CDH18: variants seen among roughly 807,000 people sequenced by gnomAD.
CDH18 encodes the protein cadherin 18.
Under a neutral mutation model 67.9 loss-of-function variants are expected in CDH18, and 31 were observed. The observed-to-expected ratio is 0.46, with a 90% confidence interval of 0.34 to 0.62. CDH18 has a LOEUF of 0.62. Ranked by LOEUF, CDH18 falls within the 20% of genes least tolerant of loss-of-function variation. CDH18 has a pLI of 0.01. For missense variants in CDH18, 890 were observed against 975.5 expected (o/e 0.91, Z 1.17); for synonymous variants, 362 against 347.2 (o/e 1.04, Z -0.48).
At chr5:19,802,134 T>C (rs984577922) in intron 3 of CDH18, among the ~76,000 whole-genome samples, 10 of 152,152 alleles carry the variant, frequency 6.6e-5, no homozygotes, top group African/African-American at 2.2e-4. Context: ...TATGACTCCC[T>C]TATATCATTT....
At position 19,811,104 on chromosome 5, in the gene CDH18, AAG is replaced by A. The variant is rs1447084307; in HGVS notation, c.228+27653_228+27654del. Among the ~76,000 whole-genome samples, 199 of 78,702 alleles carry A rather than the reference AAG, an allele frequency of 2.5e-3. 3 individuals carry two copies. The highest frequency in any genetic ancestry group is 9.7e-3 in the African/African-American group (181 of 18,752). 51.6% of individuals were successfully genotyped at this position (78,702 alleles called of 152,430 possible). A position where few individuals can be genotyped will look rare whatever the true frequency, so the allele number is the denominator to read the frequency against. On this transcript the variant is annotated intron_variant, in intron 3 of 12. Transcript: ENST00000382275. Reference sequence around the variant, plus strand: ...AAAGAAAGAAAGAAAGAAAGAAAGAAAGAAAGAAAGAAAGAAAGAAAGAAAGA... The same window carrying A: ...AAAGAAAGAAAGAAAGAAAGAAAGAAAAAGAAAGAAAGAAAGAAAGAAAGA...
chr5:20,118,330 T>C (rs1377306333), intron 2 of CDH18, among the ~76,000 whole-genome samples: 1 of 152,180 alleles, frequency 6.6e-6, no homozygotes, highest in East Asian at 1.9e-4. Flanking sequence ...CATCTATTTA[T>C]AGCTATTACT....
chr5:20,557,027 A>G (rs1757943195), intron 1 of CDH18, among the ~76,000 whole-genome samples: 1 of 152,158 alleles, frequency 6.6e-6, no homozygotes, highest in African/African-American at 2.4e-5. Flanking sequence ...GAGAATAAGT[A>G]TGTTCTTGGA....
chr5:20,501,476 T>C (rs1581116002), intron 1 of CDH18, among the ~76,000 whole-genome samples: 1 of 89,774 alleles, frequency 1.1e-5, no homozygotes, highest in East Asian at 3.4e-4. Flanking sequence ...ATATATTATA[T>C]ACATATTATA....
intron 1 of CDH18, among the ~76,000 whole-genome samples, chr5:19,983,955 A>G (rs1193637611): frequency 6.6e-6 from 1 of 152,198 alleles, no homozygotes; most frequent in Non-Finnish European, 1.5e-5. Context: ...CCACCAATTC[A>G]AAGTTCCTTG....
intron 7 of CDH18, among the ~76,000 whole-genome samples, chr5:19,583,807 T>C (rs577496426): frequency 1.6e-4 from 25 of 152,310 alleles, no homozygotes; most frequent in African/African-American, 2.6e-4. Context: ...GATAATGTCA[T>C]AGATCTCCTA....
intron 2 of CDH18, among the ~76,000 whole-genome samples, chr5:20,251,473 G>T (rs909809440): frequency 2.0e-5 from 3 of 152,058 alleles, no homozygotes; most frequent in Non-Finnish European, 4.4e-5. Flanking sequence ...CTTGTTTATT[G>T]TTACAACATG....
chr5:20,288,631 C>G (rs1746868069), intron 1 of CDH18, among the ~76,000 whole-genome samples: 1 of 151,716 alleles, frequency 6.6e-6, no homozygotes. Flanking sequence ...AACAAACCAT[C>G]AAACCAACGA....
intron 6 of CDH18, among the ~76,000 whole-genome samples, chr5:19,604,577 A>AC (rs1747730249): frequency 7.0e-6 from 1 of 143,008 alleles, no homozygotes; most frequent in African/African-American, 2.5e-5. Flanking sequence ...ACACACACAC[A>AC]AAGTATTCTG....
intron 10 of CDH18, among the ~76,000 whole-genome samples, chr5:19,503,564 G>C (rs1743613414): frequency 6.6e-6 from 1 of 151,942 alleles, no homozygotes; most frequent in African/African-American, 2.4e-5. Context: ...TTTTCAGGAG[G>C]CCTTCAAGAT....
chr5:20,063,850 G>A (rs1742727181), intron 2 of CDH18, among the ~76,000 whole-genome samples: 1 of 152,056 alleles, frequency 6.6e-6, no homozygotes, highest in Non-Finnish European at 1.5e-5. Context: ...AACAAGCACT[G>A]AATAAATGTT....
intron 2 of CDH18, among the ~76,000 whole-genome samples, chr5:20,152,198 A>AATTATATATAATATAGATATAATTAT (rs1751176750): frequency 9.4e-6 from 1 of 105,828 alleles, no homozygotes; most frequent in Non-Finnish European, 2.1e-5. Context: ...TAATATATAT[A>AATTATATATAATATAGATATAATTAT]ATTATATATA....
intron 2 of CDH18, among the ~76,000 whole-genome samples, chr5:20,112,307 C>A (rs906565517): frequency 6.6e-6 from 1 of 152,144 alleles, no homozygotes; most frequent in Non-Finnish European, 1.5e-5. Context: ...AACAACTATT[C>A]ATGACAGAAA....
intron 1 of CDH18, among the ~76,000 whole-genome samples, chr5:20,366,667 C>T (rs1562007056): frequency 6.6e-6 from 1 of 152,160 alleles, no homozygotes; most frequent in Admixed American, 6.5e-5. Context: ...AATAATTCAT[C>T]AACAGAGTTG....
chr5:20,423,754 G>C (rs983744330), intron 1 of CDH18, among the ~76,000 whole-genome samples: 1 of 150,102 alleles, frequency 6.7e-6, no homozygotes, highest in African/African-American at 2.5e-5. Context: ...GACCATCCTG[G>C]CTAACACGGC....
At chr5:19,748,744 C>T (rs780165545) in intron 3 of CDH18, among the ~76,000 whole-genome samples, 8 of 151,912 alleles carry the variant, frequency 5.3e-5, no homozygotes, top group Non-Finnish European at 1.0e-4. Context: ...ATTTGGAAAA[C>T]ACAAAATACA....
intron 3 of CDH18, 83 bp from the exon 4 acceptor site, chr5:19,747,319 T>A (rs978867742): frequency 3.0e-5 from 34 of 1,140,396 alleles, no homozygotes; most frequent in African/African-American, 7.8e-5. Flanking sequence ...CTATCTATAA[T>A]TACTTTGGCT....
intron 1 of CDH18, among the ~76,000 whole-genome samples, chr5:20,257,168 C>T (rs1324925501): frequency 1.3e-5 from 2 of 151,952 alleles, no homozygotes; most frequent in East Asian, 3.9e-4. Flanking sequence ...AACTGATTTC[C>T]AAGTTTAATT....
chr5:20,424,134 G>T (rs1161765491), intron 1 of CDH18, among the ~76,000 whole-genome samples: 1 of 150,326 alleles, frequency 6.7e-6, no homozygotes, highest in Non-Finnish European at 1.5e-5. Flanking sequence ...AATAATAAGA[G>T]TTCTACTAAA....
Sources: allele counts gnomAD v4.1 joint callset (sites outside exome capture counted in the v4.1 genomes callset), GRCh38; gene constraint gnomAD v4.1.1; transcripts MANE v1.5; gene names NCBI Gene and HGNC (gene_info 2026-07-23, HGNC 2026-07-21).